HNRNPU: variants seen among roughly 807,000 people sequenced by gnomAD.
HNRNPU encodes HNRNPU antisense RNA 1.
Under a neutral mutation model 94.7 loss-of-function variants are expected in HNRNPU, and 5 were observed. The observed-to-expected ratio is 0.05, with a 90% CI of 0.03 to 0.11. The LOEUF (loss-of-function observed/expected upper bound fraction) is 0.11. Ranked by LOEUF, HNRNPU falls within the 10% of genes least tolerant of loss-of-function variation. The pLI, the probability that HNRNPU is intolerant of heterozygous loss-of-function variation, is 1.00. For synonymous variants in HNRNPU, 434 were observed against 381.6 expected, an observed-to-expected ratio of 1.14 and a Z score of -1.60; for missense variants, 710 against 1,049.2, an observed-to-expected ratio of 0.68 and a Z score of 4.47.
At position 244,857,578 on chromosome 1, in the gene HNRNPU, G is replaced by A. The variant is rs1335347952; in HGVS notation, c.1614+20C>T. On this transcript the variant is annotated intron_variant, in intron 8 of 13. Coordinates refer to ENST00000640218, the MANE Select transcript of HNRNPU (RefSeq NM_031844.3). ...AGTCTATTTTAAACACTGAGATCAG[G>A]CCCTAAACATTTTACTTACCATCAT... 2 of 1,609,578 alleles carry A rather than the reference G, an allele frequency of 1.2e-6. No homozygotes were observed. Among genetic ancestry groups the A allele is most frequent in the African/African-American group, 2.7e-5 (2 of 74,692 alleles).
In HNRNPU at chr1:244,854,661, T is replaced by C. The variant is rs955572353; in HGVS notation, c.2425-158A>G. 6.5e-6 allele frequency: 4 copies of C among 617,766 alleles called. No homozygotes were observed. In the Admixed American group the frequency reaches 1.2e-4, roughly 19 times the overall value. 38.3% of individuals were successfully genotyped at this position (617,766 alleles called of 1,614,324 possible). A position where few individuals can be genotyped will look rare whatever the true frequency, so the allele number is the denominator to read the frequency against. ...TACCAAACCAGATTTAGTTTTAATA[T>C]CCCATAATTATCAATACACATTACA... On this transcript the variant is annotated intron_variant, in intron 13 of 13. Coordinates refer to ENST00000640218, the MANE Select transcript of HNRNPU (RefSeq NM_031844.3).
chr1:244,857,836 A>G (rs1680720501), intron 7 of HNRNPU, 119 bp from the exon 8 acceptor site: 1 of 1,396,790 alleles, frequency 7.2e-7, no homozygotes, highest in African/African-American at 1.5e-5. Flanking sequence ...CTAACGGACA[A>G]AAATTTGTTT....
At chr1:244,861,143 T>C (rs1680815344) in intron 3 of HNRNPU, 1 of 152,226 alleles carries the variant, frequency 6.6e-6, no homozygotes, top group Admixed American at 6.5e-5. Context: ...CACTGGCTCA[T>C]TAACATGCAC....
chr1:244,857,882 ATTAC>A (rs1573331469), intron 7 of HNRNPU, 125 bp downstream of exon 7: 3 of 1,301,232 alleles, frequency 2.3e-6, no homozygotes, highest in Non-Finnish European at 3.2e-6. Context: ...GGGGGAAACA[ATTAC>A]TTAAGAGCAA....
chr1:244,859,116 T>C (rs1680758317), intron 5 of HNRNPU, 159 bp downstream of exon 5: 1 of 581,906 alleles, frequency 1.7e-6, no homozygotes, highest in Non-Finnish European at 3.0e-6. Context: ...AAAACTAAAA[T>C]GTAGCCTGTG....
chr1:244,863,395 G>C (rs984855481), intron 1 of HNRNPU, among the ~76,000 whole-genome samples: 2 of 138,722 alleles, frequency 1.4e-5, no homozygotes, highest in Non-Finnish European at 3.1e-5. Context: ...TGCCACCGCC[G>C]ACACACACAC....
Position 244,852,396 on chromosome 1 carries a change from A to G in HNRNPU, c.*2054T>C, listed in dbSNP as rs539100338. The G allele has an allele frequency of 2.0e-5, 3 of 152,176 alleles. No individual in the cohort carries two copies. Among genetic ancestry groups the G allele is most frequent in the Non-Finnish European group, 4.4e-5 (3 of 67,998 alleles). 9.4% of individuals were successfully genotyped at this position (152,176 alleles called of 1,614,324 possible). A position where few individuals can be genotyped will look rare whatever the true frequency, so the allele number is the denominator to read the frequency against. On this transcript the variant is annotated 3_prime_UTR_variant, in exon 14 of 14. Coordinates refer to ENST00000640218, the MANE Select transcript of HNRNPU (RefSeq NM_031844.3). ...ACTTTCCCACTGCAATTATAAAATGAATTCCTTAATAAGCAATTTTAAACT... is the reference window on the plus strand; with the variant it reads ...ACTTTCCCACTGCAATTATAAAATGGATTCCTTAATAAGCAATTTTAAACT...
Position 244,858,007 on chromosome 1 carries a change from T to G in HNRNPU, c.1494+4A>C. On this transcript the variant is annotated splice_donor_region_variant and intron_variant, in intron 7 of 13. Coordinates refer to ENST00000640218, the MANE Select transcript of HNRNPU (RefSeq NM_031844.3). ...CCACAGTTAAAAAAAAAAAAATCCC[T>G]TACTTCACAATCTTTCTTCTCTTCA... is the stretch of plus-strand genomic sequence containing the variant. The G allele has an allele frequency of 6.3e-7, 1 of 1,576,842 alleles. No individual in the cohort carries two copies. The highest frequency in any genetic ancestry group is 8.6e-7 in the Non-Finnish European group (1 of 1,167,088).
chr1:244,863,595 C>G, intron 1 of HNRNPU, 22 bp downstream of exon 1: 14 of 1,414,218 alleles, frequency 9.9e-6, no homozygotes, highest in Non-Finnish European at 1.3e-5. Flanking sequence ...CCGCCGCGCG[C>G]AACGTACAAC....
Position 244,861,746 on chromosome 1 carries a change from A to C in HNRNPU, c.877+715T>G, listed in dbSNP as rs201691885. On this transcript the variant is annotated intron_variant, in intron 3 of 13. Transcript: ENST00000640218. Reference sequence around the variant, plus strand: ...ACCAACTACGTTTTTTTGTAACAAAAAAAAAAAAAAAAAAAACAAGTCTGA... The same window carrying C: ...ACCAACTACGTTTTTTTGTAACAAACAAAAAAAAAAAAAAAACAAGTCTGA... 85 of 149,820 alleles carry C rather than the reference A, an allele frequency of 5.7e-4. 1 individual carries two copies. The highest frequency in any genetic ancestry group is 5.0e-3 in the East Asian group (26 of 5,182). The allele number at this position is 149,820 out of a possible 1,614,324, so 9.3% of individuals were successfully genotyped here.
rs759104889 is a variant in HNRNPU at position 244,860,416 on chromosome 1, T to C, written c.936A>G (p.Thr312=). Reference sequence around the variant, plus strand: ...CCCAAAGAAAAGCAAAACTCTCCATTGTAAGGGAAGAAGCACTGAGACGAT... The same window carrying C: ...CCCAAAGAAAAGCAAAACTCTCCATCGTAAGGGAAGAAGCACTGAGACGAT... ...SRDRLSASSL[T]MESFAFLWAG... Residue 312 remains threonine, a synonymous_variant, in exon 4 of 14, where the codon ACA becomes ACG. Transcript: ENST00000640218. 8 of 1,610,824 alleles carry C rather than the reference T, an allele frequency of 5.0e-6. No homozygotes were observed. The East Asian group carries it at 6.7e-5, about 13-fold the overall frequency.
Position 244,855,624 on chromosome 1 carries a change from T to C in HNRNPU, c.2168-16A>G. On this transcript the variant is annotated splice_polypyrimidine_tract_variant and intron_variant, in intron 11 of 13. Transcript: ENST00000640218. ...TTCCCAGGGGCTAAAAGACAAGAGC[T>C]GTTTTAGTTTCATTGTATATTGTAC... 6.2e-7 allele frequency: 1 copy of C among 1,613,546 alleles called. No homozygotes were observed.
intron 4 of HNRNPU, 171 bp downstream of exon 4, chr1:244,860,164 G>T: frequency 1.8e-6 from 1 of 547,910 alleles, no homozygotes; most frequent in Non-Finnish European, 3.2e-6. Flanking sequence ...GCCAGGTGTG[G>T]TAGTGTGTGC....
Position 244,855,050 on chromosome 1 carries a change from A to G in HNRNPU, c.2353-6T>C, listed in dbSNP as rs1293188212. 1.2e-6 allele frequency: 2 copies of G among 1,610,768 alleles called. No individual in the cohort carries two copies. Among genetic ancestry groups the G allele is most frequent in the South Asian group, 1.1e-5 (1 of 91,024 alleles). On this transcript the variant is annotated splice_region_variant and splice_polypyrimidine_tract_variant and intron_variant, in intron 12 of 13. Coordinates refer to ENST00000640218, the MANE Select transcript of HNRNPU (RefSeq NM_031844.3). ...TTTCCTCGTCCTCTGAAGTTCTACA[A>G]AAAGGAAATACTCTCTAAGAGCTCT...
rs776778115 is a variant in HNRNPU at position 244,863,843 on chromosome 1, C to T, written c.465G>A (p.Glu155=). The T allele has an allele frequency of 1.5e-5, 24 of 1,612,870 alleles. No individual in the cohort carries two copies. Among genetic ancestry groups the T allele is most frequent in the Non-Finnish European group, 2.0e-5 (24 of 1,179,760 alleles). The part of the protein sequence containing the change: ...LGDEEEGAGD[E]NGHGEQQPQP... ...GAGGCTGCTGCTCCCCGTGCCCGTT[C>T]TCGTCGCCCGCGCCTTCCTCTTCGT... The change falls in exon 1 of 14, where the codon GAG becomes GAA. Residue 155 remains glutamate, a synonymous_variant. Coordinates refer to ENST00000640218, the MANE Select transcript of HNRNPU (RefSeq NM_031844.3).
At position 244,850,594 on chromosome 1, in the gene HNRNPU, C is replaced by T. The variant is rs1436042407; in HGVS notation, c.*3856G>A. The T allele has an allele frequency of 6.6e-6, 1 of 151,602 alleles. No homozygotes were observed. The highest frequency in any genetic ancestry group is 2.4e-5 in the African/African-American group (1 of 41,288). The allele number at this position is 151,602 out of a possible 1,614,324, so 9.4% of individuals were successfully genotyped here. ...GTTTATGTATTAGTAATTCAAATTA[C>T]TGTTTTAGAGATCTCAGGTAGTTAA... On this transcript the variant is annotated 3_prime_UTR_variant, in exon 14 of 14. Transcript: ENST00000640218.
chr1:244,860,562 C>T (rs1680799754), intron 3 of HNRNPU, 88 bp from the exon 4 acceptor site: 1 of 1,031,244 alleles, frequency 9.7e-7, no homozygotes, highest in South Asian at 1.5e-5. Context: ...TTAATTTTTG[C>T]ATGTACTTCT....
Position 244,864,399 on chromosome 1 carries a change from C to T in HNRNPU, c.-92G>A, listed in dbSNP as rs1680945259. On this transcript the variant is annotated 5_prime_UTR_variant, in exon 1 of 14. Coordinates refer to ENST00000640218, the MANE Select transcript of HNRNPU (RefSeq NM_031844.3). ...GCGGCTGCTGCGGCTGCTCCTCGGC[C>T]CGGGCGGCGGCTGCGGCTGCGGCTG... The T allele has an allele frequency of 1.3e-6, 2 of 1,574,968 alleles. No individual in the cohort carries two copies. Among genetic ancestry groups the T allele is most frequent in the Non-Finnish European group, 1.7e-6 (2 of 1,165,878 alleles).
chr1:244,862,395 TAAAAAAAAAAA>T, intron 3 of HNRNPU, 55 bp downstream of exon 3: 1 of 798,310 alleles, frequency 1.3e-6, no homozygotes, highest in Non-Finnish European at 1.9e-6. Flanking sequence ...TTAAGACTTC[TAAAAAAAAAAA>T]AAAAAAAACC....
Sources: gnomAD v4.1 joint callset for allele counts (sites outside exome capture counted in the v4.1 genomes callset) on GRCh38, gnomAD v4.1.1 for gene constraint, MANE v1.5 for transcripts, NCBI Gene and HGNC (gene_info 2026-07-23, HGNC 2026-07-21) for gene names.